The following PKN2 variants were observed in gnomAD, a reference collection of about 807,000 sequenced individuals.
The protein encoded by PKN2 is protein kinase N2.
Under a neutral mutation model 119.1 loss-of-function variants are expected in PKN2, and 38 were observed. The ratio of observed to expected loss-of-function variants is 0.32; its 90% CI spans 0.25 to 0.42. The LOEUF (loss-of-function observed/expected upper bound fraction) is 0.42, where lower values mean the gene tolerates loss of function less well. Among genes scored for constraint, PKN2 ranks in the 10% least tolerant of loss-of-function variants. The probability of loss-of-function intolerance (pLI) is 1.00; values close to 1 mark genes in which losing one functional copy is unlikely to be tolerated. For missense variants in PKN2, 850 were observed against 1,165.1 expected, an observed-to-expected ratio of 0.73 and a Z score of 3.94; for synonymous variants, 390 against 384.9, an observed-to-expected ratio of 1.01 and a Z score of -0.15.
chr1:88,764,380 C>G (rs563555971), intron 3 of PKN2, among the ~76,000 whole-genome samples: 1 of 152,202 alleles, frequency 6.6e-6, no homozygotes, highest in Admixed American at 6.5e-5. Context: ...TCTGTCTCTT[C>G]TTAACCCTTC....
chr1:88,718,775 C>T lies in PKN2; in HGVS notation c.49-22213C>T, dbSNP rs114945020. On this transcript the variant is annotated intron_variant, in intron 1 of 21. Coordinates refer to ENST00000370521, the MANE Select transcript of PKN2 (RefSeq NM_006256.4). ...CAATTACTTCCCCAGTAATGAAATCCAGTATTTACTTTTGGATAGCTTTCC... is the reference window on the plus strand; with the variant it reads ...CAATTACTTCCCCAGTAATGAAATCTAGTATTTACTTTTGGATAGCTTTCC... Among the ~76,000 whole-genome samples the T allele has an allele frequency of 3.0e-3, 452 of 152,212 alleles. 4 individuals carry two copies. The highest frequency in any genetic ancestry group is 0.01 in the African/African-American group (430 of 41,526).
intron 2 of PKN2, among the ~76,000 whole-genome samples, chr1:88,756,516 C>G (rs927986269): frequency 6.6e-6 from 1 of 152,046 alleles, no homozygotes; most frequent in Non-Finnish European, 1.5e-5. Flanking sequence ...CTAAATACAC[C>G]ATCAACTGTT....
At chr1:88,796,926 CT>C (rs983424985) in intron 8 of PKN2, among the ~76,000 whole-genome samples, 749 of 140,336 alleles carry the variant, frequency 5.3e-3, no homozygotes, top group Middle Eastern at 0.015. Flanking sequence ...TTTGCTCAAC[CT>C]TTTTTTTTTT....
At chr1:88,719,667 C>G (rs900603670) in intron 1 of PKN2, among the ~76,000 whole-genome samples, 1 of 152,094 alleles carries the variant, frequency 6.6e-6, no homozygotes, top group African/African-American at 2.4e-5. Flanking sequence ...TAAAAAATAA[C>G]ACTCTAGCAC....
At position 88,739,793 on chromosome 1, in the gene PKN2, T is replaced by C. The variant is rs61206737; in HGVS notation, c.49-1195T>C. On this transcript the variant is annotated intron_variant, in intron 1 of 21. Coordinates refer to ENST00000370521, the MANE Select transcript of PKN2 (RefSeq NM_006256.4). ...TAAATATAGATTAGCTGTGCTTAACTGATTGGATTTTCATTTTAAGGTGAC... is the reference window on the plus strand; with the variant it reads ...TAAATATAGATTAGCTGTGCTTAACCGATTGGATTTTCATTTTAAGGTGAC... Among the ~76,000 whole-genome samples, 767 of 152,336 alleles carry C rather than the reference T, an allele frequency of 5.0e-3. 3 individuals carry two copies. The highest frequency in any genetic ancestry group is 0.017 in the African/African-American group (722 of 41,582).
At chr1:88,703,473 A>G (rs896575706) in intron 1 of PKN2, among the ~76,000 whole-genome samples, 3 of 152,148 alleles carry the variant, frequency 2.0e-5, no homozygotes, top group African/African-American at 4.8e-5. Context: ...AGAGAGGTAA[A>G]GTTACTTGCC....
chr1:88,781,693 G>A (rs529539788), intron 6 of PKN2, among the ~76,000 whole-genome samples: 148 of 152,152 alleles, frequency 9.7e-4, no homozygotes, highest in African/African-American at 3.5e-3. Flanking sequence ...GTTGAGCATT[G>A]TCATGTTCTG....
intron 16 of PKN2, among the ~76,000 whole-genome samples, chr1:88,814,120 A>G (rs1227341094): frequency 3.3e-5 from 5 of 152,172 alleles, no homozygotes; most frequent in African/African-American, 1.2e-4. Flanking sequence ...TCATATATTT[A>G]TATAAAATAT....
At position 88,833,121 on chromosome 1, in the gene PKN2, A is replaced by G. The variant is rs750215404; in HGVS notation, c.2715A>G (p.Lys905=). Residue 905 remains lysine (K), a synonymous_variant, in exon 21 of 22, where the codon AAA becomes AAG. Transcript: ENST00000370521. The part of the protein sequence containing the change: ...NPERRLGASE[K]DAEDVKKHPF... ...AACGGCGCCTTGGGGCTAGCGAGAA[A>G]GATGCAGAGGATGTAAAAAAGCACC... The G allele has an allele frequency of 3.5e-5, 57 of 1,613,026 alleles. No homozygotes were observed. Among genetic ancestry groups the G allele is most frequent in the South Asian group, 2.3e-4 (21 of 91,010 alleles).
At chr1:88,687,756 CCAAA>C (rs60536576) in intron 1 of PKN2, among the ~76,000 whole-genome samples, 11,454 of 152,056 alleles carry the variant, frequency 0.075, 892 homozygotes, top group African/African-American at 0.2. Flanking sequence ...GTTAATTTCA[CCAAA>C]CAGTTATGTA....
chr1:88,710,038 A>G (rs1667163913), intron 1 of PKN2, among the ~76,000 whole-genome samples: 1 of 152,182 alleles, frequency 6.6e-6, no homozygotes, highest in African/African-American at 2.4e-5. Context: ...TACAGATGAA[A>G]CATTTGTTTT....
At position 88,804,462 on chromosome 1, in the gene PKN2, A is replaced by G; in HGVS notation, c.1353A>G (p.Leu451=). 6.2e-7 allele frequency: 1 copy of G among 1,613,680 alleles called. No individual in the cohort carries two copies. Among genetic ancestry groups the G allele is most frequent in the South Asian group, 1.1e-5 (1 of 91,052 alleles). Residue 451 remains leucine (L), a synonymous_variant, in exon 9 of 22, where the codon TTA becomes TTG. Transcript: ENST00000370521. ...RSLCAVKFLR[L]EDFLDNQRHG... is the part of the protein sequence containing the mutation. Reference sequence around the variant, plus strand: ...TGTGTGCTGTAAAATTTCTGAGGTTAGAAGATTTTTTAGACAACCAACGGC... The same window carrying G: ...TGTGTGCTGTAAAATTTCTGAGGTTGGAAGATTTTTTAGACAACCAACGGC...
intron 19 of PKN2, chr1:88,829,552 A>C (rs1270482185): frequency 6.2e-6 from 1 of 160,492 alleles, no homozygotes; most frequent in East Asian, 1.8e-4. Context: ...TGTACATAGA[A>C]ATTATTACTA....
intron 1 of PKN2, among the ~76,000 whole-genome samples, chr1:88,707,314 A>G (rs1667042086): frequency 6.6e-6 from 1 of 152,038 alleles, no homozygotes; most frequent in Admixed American, 6.6e-5. Flanking sequence ...GAAGTCTTAC[A>G]TTCATTATAT....
chr1:88,771,402 A>AT lies in PKN2; in HGVS notation c.623-10dup, dbSNP rs771997558. The AT allele has an allele frequency of 1.2e-4, 185 of 1,549,078 alleles. No individual in the cohort carries two copies. Among genetic ancestry groups the AT allele is most frequent in the South Asian group, 3.3e-4 (27 of 81,200 alleles). ...AAGTCAGATAAATGGTGCAATTAAA[A>AT]TTTTTTTTTCCTTTCTAGCAAAACC... is the stretch of plus-strand genomic sequence containing the variant. On this transcript the variant is annotated intron_variant, in intron 4 of 21. Coordinates refer to ENST00000370521, the MANE Select transcript of PKN2 (RefSeq NM_006256.4).
At chr1:88,784,567 T>G in intron 6 of PKN2, 72 bp from the exon 7 acceptor site, 1 of 924,706 alleles carries the variant, frequency 1.1e-6, no homozygotes, top group Non-Finnish European at 1.5e-6. Context: ...TTTGAATAGG[T>G]AAGAGATTTA....
At chr1:88,798,714 C>A (rs1184527113) in intron 8 of PKN2, among the ~76,000 whole-genome samples, 5 of 152,134 alleles carry the variant, frequency 3.3e-5, no homozygotes, top group African/African-American at 1.2e-4. Flanking sequence ...GAGTGGAGTT[C>A]CAGAAGGAAG....
intron 6 of PKN2, among the ~76,000 whole-genome samples, chr1:88,781,851 TAAG>T (rs1014143654): frequency 6.6e-6 from 1 of 152,050 alleles, no homozygotes; most frequent in Non-Finnish European, 1.5e-5. Flanking sequence ...ACAAAACAAA[TAAG>T]AAACACAAAT....
At chr1:88,756,365 T>C (rs1022579864) in intron 2 of PKN2, among the ~76,000 whole-genome samples, 2 of 152,228 alleles carry the variant, frequency 1.3e-5, no homozygotes, top group African/African-American at 4.8e-5. Flanking sequence ...GGAATTTATG[T>C]TGCGACAAAA....
Sources: gnomAD v4.1 joint callset for allele counts (sites outside exome capture counted in the v4.1 genomes callset) on GRCh38, gnomAD v4.1.1 for gene constraint, MANE v1.5 for transcripts, NCBI Gene and HGNC (gene_info 2026-07-23, HGNC 2026-07-21) for gene names.